NHLRC2: variants seen among roughly 807,000 people sequenced by gnomAD.
The protein encoded by NHLRC2 is NHL repeat-containing protein 2.
In NHLRC2, 33 loss-of-function variants were observed where a neutral mutation model predicts 68.1. That is an observed-to-expected ratio of 0.48 (90% CI 0.37 to 0.65). The LOEUF (loss-of-function observed/expected upper bound fraction) is 0.65, where lower values mean the gene tolerates loss of function less well. NHLRC2 is among the 30% of genes least tolerant of loss of function. The pLI is 0.00. For missense variants in NHLRC2, 761 were observed against 853.8 expected, an observed-to-expected ratio of 0.89 and a Z score of 1.35; for synonymous variants, 311 against 309.6, an observed-to-expected ratio of 1.00 and a Z score of -0.05.
Position 113,913,888 on chromosome 10 carries a change from C to CCCAGGCTG in NHLRC2, c.*5353_*5360dup. On this transcript the variant is annotated 3_prime_UTR_variant, in exon 11 of 11. Transcript: ENST00000369301. Reference sequence around the variant, plus strand: ...TTTGAGATGGAGTCTCACTCTGTCACCCAGGCTGGAGTGCAAGGGTACAAT... The same window carrying CCCAGGCTG: ...TTTGAGATGGAGTCTCACTCTGTCACCCAGGCTGCCAGGCTGGAGTGCAAGGGTACAAT... 1 of 143,760 alleles carries CCCAGGCTG rather than the reference C, an allele frequency of 7.0e-6. No homozygotes were observed. Among genetic ancestry groups the CCCAGGCTG allele is most frequent in the East Asian group, 2.1e-4 (1 of 4,730 alleles). 8.9% of individuals were successfully genotyped at this position (143,760 alleles called of 1,614,324 possible). A position where few individuals can be genotyped will look rare whatever the true frequency, so the allele number is the denominator to read the frequency against.
In NHLRC2 at chr10:113,858,553, A is replaced by G; in HGVS notation, c.204A>G (p.Glu68=). Residue 68 remains glutamate (E), a synonymous_variant, in exon 2 of 11, where the codon GAA becomes GAG. Transcript: ENST00000369301. ...PEGLEWLNTE[E]PISVYKDLCG... ...GATTAGAATGGCTGAACACAGAAGA[A>G]CCTATTTCTGTCTACAAGGATCTAT... is the stretch of plus-strand genomic sequence containing the variant. 5 of 1,607,468 alleles carry G rather than the reference A, an allele frequency of 3.1e-6. No homozygotes were observed. The highest frequency in any genetic ancestry group is 4.3e-6 in the Non-Finnish European group (5 of 1,174,328).
At position 113,914,878 on chromosome 10, in the gene NHLRC2, T is replaced by C. The variant is rs1478675759; in HGVS notation, c.*6342T>C. ...TATTAAAAGTCAGAGGCTTTACTAA[T>C]CTACCTATATGTATTCCATGGCTAA... On this transcript the variant is annotated 3_prime_UTR_variant, in exon 11 of 11. Transcript: ENST00000369301. 2.6e-6 allele frequency: 1 copy of C among 384,638 alleles called. No individual in the cohort carries two copies. Among genetic ancestry groups the C allele is most frequent in the African/African-American group, 2.1e-5 (1 of 47,166 alleles). 23.8% of individuals were successfully genotyped at this position (384,638 alleles called of 1,614,324 possible).
chr10:113,908,397 C>A lies in NHLRC2; in HGVS notation c.2042C>A (p.Ser681Tyr), dbSNP rs764345375. The A allele has an allele frequency of 1.9e-6, 3 of 1,614,098 alleles. No individual in the cohort carries two copies. The South Asian group carries it at 3.3e-5, about 18-fold the overall frequency. Residue 681 changes from serine to tyrosine, a missense_variant, in exon 11 of 11, where the codon TCT becomes TAT. Ser to Tyr is a moderately radical substitution (Grantham distance 144). Coordinates refer to ENST00000369301, the MANE Select transcript of NHLRC2 (RefSeq NM_198514.4). ...TGCTTATCACTTGAAGCCATTGTAT[C>A]TGTCAGTGTGTTTCTTTATTACTGT... The part of the protein sequence containing the change: ...DDCLSLEAIV[S>Y]VSVFLYYCSA...
chr10:113,862,321 G>A (rs776910049), intron 2 of NHLRC2, among the ~76,000 whole-genome samples: 3 of 152,130 alleles, frequency 2.0e-5, no homozygotes, highest in Non-Finnish European at 4.4e-5. Flanking sequence ...CAGAGTTTTT[G>A]TGTGTTATTG....
chr10:113,875,046 GT>G (rs1197232423), intron 2 of NHLRC2, among the ~76,000 whole-genome samples: 7 of 149,832 alleles, frequency 4.7e-5, no homozygotes, highest in Non-Finnish European at 1.0e-4. Context: ...TCTGTTGCTT[GT>G]TTTTTTTGCC....
At chr10:113,867,035 G>A (rs1845874028) in intron 2 of NHLRC2, among the ~76,000 whole-genome samples, 1 of 152,176 alleles carries the variant, frequency 6.6e-6, no homozygotes, top group African/African-American at 2.4e-5. Context: ...GGCTTTTATT[G>A]GGGGCTGGTC....
chr10:113,867,644 A>C (rs1434420191), intron 2 of NHLRC2, among the ~76,000 whole-genome samples: 1 of 152,176 alleles, frequency 6.6e-6, no homozygotes, highest in Non-Finnish European at 1.5e-5. Context: ...ACACCTTGAC[A>C]CAGTGTTCCC....
At chr10:113,862,666 A>G (rs1002450634) in intron 2 of NHLRC2, among the ~76,000 whole-genome samples, 3 of 152,228 alleles carry the variant, frequency 2.0e-5, no homozygotes, top group African/African-American at 7.2e-5. Context: ...TTCCAACTAT[A>G]TGTTGTCTTC....
chr10:113,883,858 G>C (rs986880118), intron 4 of NHLRC2, among the ~76,000 whole-genome samples: 1 of 151,938 alleles, frequency 6.6e-6, no homozygotes, highest in Non-Finnish European at 1.5e-5. Context: ...GCACATGTAA[G>C]TTTTAATGTG....
chr10:113,870,270 C>T (rs1034245225), intron 2 of NHLRC2, among the ~76,000 whole-genome samples: 1 of 152,128 alleles, frequency 6.6e-6, no homozygotes, highest in African/African-American at 2.4e-5. Context: ...ACAACATGGT[C>T]TTCAAAGTGA....
At chr10:113,874,442 TTGTGTGTGTG>T (rs58207579) in intron 2 of NHLRC2, among the ~76,000 whole-genome samples, 15,194 of 125,628 alleles carry the variant, frequency 0.12, 784 homozygotes, top group Middle Eastern at 0.16. Context: ...AGGCATGTGT[TTGTGTGTGTG>T]TGTGTGTGTG....
At chr10:113,875,651 C>T (rs970836234) in intron 2 of NHLRC2, among the ~76,000 whole-genome samples, 23 of 152,132 alleles carry the variant, frequency 1.5e-4, no homozygotes, top group Admixed American at 6.5e-5. Flanking sequence ...TCTATCTGGT[C>T]GGGTTTACTT....
At position 113,910,819 on chromosome 10, in the gene NHLRC2, A is replaced by G. The variant is rs1329194756; in HGVS notation, c.*2283A>G. 1 of 152,206 alleles carries G rather than the reference A, an allele frequency of 6.6e-6. No homozygotes were observed. Among genetic ancestry groups the G allele is most frequent in the Admixed American group, 6.5e-5 (1 of 15,278 alleles). The allele number at this position is 152,206 out of a possible 1,614,324, so 9.4% of individuals were successfully genotyped here. ...GCTTATACTTTTCTTGACTTTCAAA[A>G]TACAGTTTTATTGAACATTCTTATT... is the stretch of plus-strand genomic sequence containing the variant. On this transcript the variant is annotated 3_prime_UTR_variant, in exon 11 of 11. Transcript: ENST00000369301.
intron 5 of NHLRC2, among the ~76,000 whole-genome samples, chr10:113,895,966 A>G (rs1289532897): frequency 6.6e-6 from 1 of 152,204 alleles, no homozygotes; most frequent in Non-Finnish European, 1.5e-5. Flanking sequence ...CCACAATGAG[A>G]TACCATCTCA....
At chr10:113,883,392 A>G (rs754335115) in intron 4 of NHLRC2, among the ~76,000 whole-genome samples, 30 of 152,004 alleles carry the variant, frequency 2.0e-4, no homozygotes, top group Middle Eastern at 3.4e-3. Context: ...CAGAAGTTTA[A>G]TATTTGCTGT....
rs527596421 is a variant in NHLRC2, at chr10:113,908,487, A to T, written c.2132A>T (p.Asp711Val). Residue 711 changes from aspartate (D) to valine (V), a missense_variant, in exon 11 of 11, where the codon GAT becomes GTT. Transcript: ENST00000369301. ...ILFSQPLQIT[D>V]TQQGCIAPVE... ...TTCAGTCAGCCTTTACAAATAACGGATACACAGCAAGGTTGCATAGCTCCA... is the reference window on the plus strand; with the variant it reads ...TTCAGTCAGCCTTTACAAATAACGGTTACACAGCAAGGTTGCATAGCTCCA... 5.0e-6 allele frequency: 8 copies of T among 1,614,074 alleles called. No individual in the cohort carries two copies. The highest frequency in any genetic ancestry group is 1.1e-5 in the South Asian group (1 of 91,080).
chr10:113,867,132 G>A (rs1227109997), intron 2 of NHLRC2, among the ~76,000 whole-genome samples: 2 of 152,312 alleles, frequency 1.3e-5, no homozygotes, highest in East Asian at 3.9e-4. Flanking sequence ...TGTATTGTTT[G>A]TACAAACATT....
In NHLRC2 at chr10:113,912,042, G is replaced by A. The variant is rs535614746; in HGVS notation, c.*3506G>A. ...CTCAGAACATTGTTTGGAGTCCTTT[G>A]ATCTACCGGTTCTCTTAAGTACGTG... On this transcript the variant is annotated 3_prime_UTR_variant, in exon 11 of 11. Coordinates refer to ENST00000369301, the MANE Select transcript of NHLRC2 (RefSeq NM_198514.4). 1 of 152,206 alleles carries A rather than the reference G, an allele frequency of 6.6e-6. No individual in the cohort carries two copies. Among genetic ancestry groups the A allele is most frequent in the South Asian group, 2.1e-4 (1 of 4,818 alleles). The allele number at this position is 152,206 out of a possible 1,614,324, so 9.4% of individuals were successfully genotyped here. A position where few individuals can be genotyped will look rare whatever the true frequency, so the allele number is the denominator to read the frequency against.
intron 10 of NHLRC2, 75 bp from the exon 11 acceptor site, chr10:113,908,205 A>G (rs998686895): frequency 8.9e-7 from 1 of 1,123,006 alleles, no homozygotes; most frequent in Non-Finnish European, 1.3e-6. Context: ...GATCGAGTTT[A>G]TCTAGTCTTC....
Sources: gnomAD v4.1 joint callset for allele counts (sites outside exome capture counted in the v4.1 genomes callset) on GRCh38, gnomAD v4.1.1 for gene constraint, MANE v1.5 for transcripts, NCBI Gene and HGNC (gene_info 2026-07-23, HGNC 2026-07-21) for gene names.